The following UBR4 variants were observed in gnomAD, a reference collection of about 807,000 sequenced individuals.
The protein encoded by UBR4 is ubiquitin protein ligase E3 component n-recognin 4, also known as E3 ubiquitin-protein ligase UBR4.
Under a neutral mutation model 575.6 loss-of-function variants are expected in UBR4, and 124 were observed. The observed-to-expected ratio is 0.22, with a 90% confidence interval of 0.19 to 0.25. UBR4 has a LOEUF of 0.25. Among genes scored for constraint, UBR4 ranks in the 10% least tolerant of loss-of-function variants. The pLI is 1.00. For synonymous variants in UBR4, 2,455 were observed against 2,473.7 expected (o/e 0.99, Z 0.22); for missense variants, 4,818 against 6,478.8 (o/e 0.74, Z 8.80).
At chr1:19,095,737 G>A (rs1557551684) in intron 92 of UBR4, 85 bp from the exon 93 acceptor site, 3 of 1,250,218 alleles carry the variant, frequency 2.4e-6, no homozygotes, top group Non-Finnish European at 3.5e-6. Context: ...GTCTAAGCAG[G>A]GTCTACACCA....
At chr1:19,163,883 C>T in intron 33 of UBR4, 56 bp from the exon 34 acceptor site, 1 of 1,577,250 alleles carries the variant, frequency 6.3e-7, no homozygotes, top group Non-Finnish European at 8.7e-7. Flanking sequence ...TCGAAGAAAC[C>T]AACGAAATGA....
At chr1:19,161,981 T>C in intron 35 of UBR4, 84 bp from the exon 36 acceptor site, 2 of 1,488,128 alleles carry the variant, frequency 1.3e-6, no homozygotes, top group Non-Finnish European at 1.9e-6. Context: ...CAACGCCCTA[T>C]GGCGGGGTGA....
intron 18 of UBR4, among the ~76,000 whole-genome samples, chr1:19,178,732 T>C (rs1000901319): frequency 6.6e-6 from 1 of 152,108 alleles, no homozygotes; most frequent in African/African-American, 2.4e-5. Flanking sequence ...GAAAGCAAAA[T>C]AACCAAGGAC....
intron 41 of UBR4, 140 bp from the exon 42 acceptor site, chr1:19,156,563 G>C (rs932646438): frequency 7.8e-7 from 1 of 1,282,472 alleles, no homozygotes; most frequent in African/African-American, 1.5e-5. Context: ...TAACATTCAG[G>C]TTTCATGAAC....
intron 103 of UBR4, chr1:19,081,077 C>A: frequency 2.6e-6 from 1 of 384,720 alleles, no homozygotes; most frequent in Non-Finnish European, 4.7e-6. Flanking sequence ...GGTTTTATCA[C>A]CCTGTGCCTG....
chr1:19,186,401 A>G, intron 14 of UBR4, 139 bp downstream of exon 14: 1 of 583,960 alleles, frequency 1.7e-6, no homozygotes, highest in South Asian at 4.3e-5. Flanking sequence ...TTGAATGCAC[A>G]TAAAACCAAG....
intron 57 of UBR4, 99 bp downstream of exon 57, chr1:19,141,248 T>C: frequency 6.5e-7 from 1 of 1,536,748 alleles, no homozygotes; most frequent in Non-Finnish European, 8.9e-7. Flanking sequence ...TCTCCCCATA[T>C]CTGGGGACAA....
rs1045962064 is a variant in UBR4, at chr1:19,152,132, A to G, written c.6996+181T>C. Among the ~76,000 whole-genome samples the G allele has an allele frequency of 1.3e-5, 2 of 152,208 alleles. No homozygotes were observed. Among genetic ancestry groups the G allele is most frequent in the Admixed American group, 1.3e-4 (2 of 15,284 alleles). Reference sequence around the variant, plus strand: ...TGGTATTGGTGGAAACCCAACCTGTACAAGTCCTTTGCCAAGTGAGTAAGA... The same window carrying G: ...TGGTATTGGTGGAAACCCAACCTGTGCAAGTCCTTTGCCAAGTGAGTAAGA... On this transcript the variant is annotated intron_variant, in intron 47 of 105. Coordinates refer to ENST00000375254, the MANE Select transcript of UBR4 (RefSeq NM_020765.3). This position sits in a 1 kb window ranked among gnomAD's most constrained non-coding sequence, Gnocchi z 4.4.
chr1:19,117,138 T>C lies in UBR4; in HGVS notation c.10823+83A>G, dbSNP rs1174624271. 2.7e-6 allele frequency: 4 copies of C among 1,506,092 alleles called. No homozygotes were observed. Among genetic ancestry groups the C allele is most frequent in the African/African-American group, 2.7e-5 (2 of 72,888 alleles). 93.3% of individuals were successfully genotyped at this position (1,506,092 alleles called of 1,614,324 possible). A position where few individuals can be genotyped will look rare whatever the true frequency, so the allele number is the denominator to read the frequency against. The stretch of plus-strand genomic sequence containing the variant: ...TTAGGCCTCTAGGGATGTGCTGCCT[T>C]ACTCCATTCCAGGAACCGAAGGCAG... On this transcript the variant is annotated intron_variant, in intron 73 of 105. Transcript: ENST00000375254. This position sits in a 1 kb window ranked among gnomAD's most constrained non-coding sequence, Gnocchi z 4.0.
chr1:19,085,694 T>C (rs1400185982), intron 101 of UBR4, among the ~76,000 whole-genome samples: 1 of 152,118 alleles, frequency 6.6e-6, no homozygotes, highest in African/African-American at 2.4e-5. Flanking sequence ...GCTTTAGCTA[T>C]TCTTATCTGG....
At chr1:19,142,097 C>T (rs574268834) in intron 55 of UBR4, among the ~76,000 whole-genome samples, 16 of 152,348 alleles carry the variant, frequency 1.1e-4, no homozygotes, top group African/African-American at 3.1e-4. Flanking sequence ...CCCAAACTCA[C>T]GCTAACTCTC....
chr1:19,138,941 A>T, intron 59 of UBR4, 142 bp downstream of exon 59: 1 of 1,089,846 alleles, frequency 9.2e-7, no homozygotes, highest in Non-Finnish European at 1.2e-6. Context: ...GAATTCCACA[A>T]GACTTTCAGA....
At chr1:19,162,384 C>G in intron 35 of UBR4, 36 bp downstream of exon 35, 1 of 1,588,102 alleles carries the variant, frequency 6.3e-7, no homozygotes, top group Non-Finnish European at 8.6e-7. Flanking sequence ...TAGTCATTAC[C>G]TTGAGAGGTT....
At position 19,153,934 on chromosome 1, in the gene UBR4, T is replaced by C. The variant is rs771099121; in HGVS notation, c.6464A>G (p.Asn2155Ser). Residue 2155 changes from asparagine (N) to serine (S), a missense_variant, in exon 45 of 106, where the codon AAT becomes AGT. By Grantham distance (46) the Asn-to-Ser change is conservative. Around this residue, in one of 29 missense-constraint regions of UBR4, gnomAD observed 461 missense variants for 606.9 expected, o/e 0.76. Transcript: ENST00000375254. This position sits in a 1 kb window ranked among gnomAD's most constrained non-coding sequence, Gnocchi z 4.1. ...AGCAGGAGAAGTCTTACTGCCACCA[T>C]TGGAACTGCAGACAACAAAACTGGC... Reference protein sequence around the residue: ...QLFPINIKSSNGGSKTSPALC... With the variant: ...QLFPINIKSSSGGSKTSPALC... The C allele has an allele frequency of 1.2e-5, 20 of 1,613,114 alleles. No homozygotes were observed. The highest frequency in any genetic ancestry group is 1.6e-4 in the Middle Eastern group (1 of 6,076).
At position 19,104,302 on chromosome 1, in the gene UBR4, C is replaced by T. The variant is rs200780472; in HGVS notation, c.12728-45G>A. 51 of 1,601,966 alleles carry T rather than the reference C, an allele frequency of 3.2e-5. No individual in the cohort carries two copies. In the African/African-American group the frequency reaches 5.2e-4, roughly 16 times the overall value. On this transcript the variant is annotated intron_variant, in intron 86 of 105. Coordinates refer to ENST00000375254, the MANE Select transcript of UBR4 (RefSeq NM_020765.3). Reference sequence around the variant, plus strand: ...TTGCTGTGAGAGCTCTGGATGAAAACATAAGGACAGTCTGTGTCTCAAAAG... The same window carrying T: ...TTGCTGTGAGAGCTCTGGATGAAAATATAAGGACAGTCTGTGTCTCAAAAG...
intron 102 of UBR4, among the ~76,000 whole-genome samples, chr1:19,082,798 T>C (rs1355280711): frequency 6.6e-6 from 1 of 152,208 alleles, no homozygotes; most frequent in East Asian, 1.9e-4. Context: ...CTGTAGGGAA[T>C]CTGAGGCTGT....
Position 19,105,064 on chromosome 1 carries a change from C to T in UBR4, c.12629G>A (p.Gly4210Asp). 1 of 1,613,812 alleles carries T rather than the reference C, an allele frequency of 6.2e-7. No homozygotes were observed. Among genetic ancestry groups the T allele is most frequent in the South Asian group, 1.1e-5 (1 of 91,052 alleles). ...GTAGGATACCTTGGTGATGAGGTTG[C>T]CCACATAGGGTAGGACTCCCCGAGC... ...LAARGVLPYV[G>D]NLITKEIARL... Residue 4210 changes from glycine to aspartate, a missense_variant, in exon 85 of 106, where the codon GGC (glycine) becomes GAC (aspartate). By Grantham distance (94) the Gly-to-Asp change is moderately conservative. Transcript: ENST00000375254.
intron 49 of UBR4, among the ~76,000 whole-genome samples, chr1:19,150,241 A>G (rs2085480460): frequency 6.6e-6 from 1 of 152,182 alleles, no homozygotes. Flanking sequence ...ATGTTTTCCT[A>G]TCATTTCAGC....
chr1:19,087,032 T>C (rs2077079940), intron 99 of UBR4, among the ~76,000 whole-genome samples: 2 of 152,346 alleles, frequency 1.3e-5, no homozygotes, highest in Admixed American at 1.3e-4. Flanking sequence ...ACAAGGATTA[T>C]GGGAGCAACC....
Sources: allele counts gnomAD v4.1 joint callset (sites outside exome capture counted in the v4.1 genomes callset), GRCh38; gene constraint gnomAD v4.1.1; regional missense constraint gnomAD v4.1.1; non-coding constraint Gnocchi (gnomAD v3.1); transcripts MANE v1.5; gene names NCBI Gene and HGNC (gene_info 2026-07-23, HGNC 2026-07-21).